The following AUTS2 variants were observed in gnomAD, a reference collection of about 807,000 sequenced individuals.
AUTS2 encodes autism susceptibility gene 2 protein.
Under a neutral mutation model 112.4 loss-of-function variants are expected in AUTS2, and 17 were observed. The observed-to-expected ratio is 0.15, with a 90% CI of 0.10 to 0.23. AUTS2 has a LOEUF of 0.23. Among genes scored for constraint, AUTS2 ranks in the 10% least tolerant of loss-of-function variants. The pLI is 1.00. For missense variants in AUTS2, 1,510 were observed against 1,701.6 expected (o/e 0.89, Z 1.98); for synonymous variants, 751 against 702.7 (o/e 1.07, Z -1.09).
intron 1 of AUTS2, among the ~76,000 whole-genome samples, chr7:69,773,886 G>A (rs1292547851): frequency 1.3e-5 from 2 of 152,170 alleles, no homozygotes; most frequent in African/African-American, 2.4e-5. Context: ...GGGGAATCCC[G>A]TCGAACACCC....
chr7:70,630,685 C>A (rs1389289269), intron 5 of AUTS2, among the ~76,000 whole-genome samples: 1 of 152,204 alleles, frequency 6.6e-6, no homozygotes, highest in African/African-American at 2.4e-5. Flanking sequence ...TCATTGTTCT[C>A]GGAACTAGCT....
chr7:69,805,859 A>G (rs1790278133), intron 1 of AUTS2, among the ~76,000 whole-genome samples: 1 of 152,118 alleles, frequency 6.6e-6, no homozygotes. Flanking sequence ...ACTGAATCTC[A>G]CACCAAGGTC....
At chr7:70,421,706 T>G (rs1237820315) in intron 4 of AUTS2, among the ~76,000 whole-genome samples, 1 of 152,246 alleles carries the variant, frequency 6.6e-6, no homozygotes, top group Non-Finnish European at 1.5e-5. Context: ...CCCTTGATTT[T>G]AATCAGAAAT....
chr7:69,945,619 T>C (rs972231059), intron 2 of AUTS2, among the ~76,000 whole-genome samples: 5 of 152,042 alleles, frequency 3.3e-5, no homozygotes, highest in African/African-American at 1.2e-4. Flanking sequence ...TTGTTGTTTG[T>C]TTTTTTGGGT....
chr7:69,794,480 C>T (rs1317977272), intron 1 of AUTS2, among the ~76,000 whole-genome samples: 1 of 152,130 alleles, frequency 6.6e-6, no homozygotes, highest in Non-Finnish European at 1.5e-5. Flanking sequence ...CAGCTGCATT[C>T]GTTTTGTGCC....
intron 1 of AUTS2, among the ~76,000 whole-genome samples, chr7:69,670,410 T>C (rs1796263364): frequency 6.6e-6 from 1 of 151,984 alleles, no homozygotes; most frequent in African/African-American, 2.4e-5. Context: ...CAGCTGAACT[T>C]TGCAGTATAA....
At chr7:70,755,682 C>G (rs1789153930) in intron 6 of AUTS2, among the ~76,000 whole-genome samples, 3 of 151,970 alleles carry the variant, frequency 2.0e-5, no homozygotes, top group Admixed American at 1.3e-4. Context: ...AAAAAAAATT[C>G]AGTAGGTAAG....
At chr7:69,698,961 A>AT (rs1169687195) in intron 1 of AUTS2, among the ~76,000 whole-genome samples, 1 of 151,888 alleles carries the variant, frequency 6.6e-6, no homozygotes, top group African/African-American at 2.4e-5. Context: ...TTGACTATAT[A>AT]TTTTTTCCTA....
intron 2 of AUTS2, among the ~76,000 whole-genome samples, chr7:70,011,647 G>A (rs957037842): frequency 2.0e-5 from 3 of 152,128 alleles, no homozygotes; most frequent in Non-Finnish European, 2.9e-5. Flanking sequence ...TGGAAGGTGG[G>A]CAGCATGAGT....
intron 5 of AUTS2, among the ~76,000 whole-genome samples, chr7:70,679,567 T>C (rs778995648): frequency 1.9e-4 from 29 of 151,164 alleles, no homozygotes; most frequent in Non-Finnish European, 8.8e-5. Flanking sequence ...CATGTGTCTA[T>C]GCAATAAGTT....
chr7:70,023,041 T>C (rs1038805590), intron 2 of AUTS2, among the ~76,000 whole-genome samples: 3 of 152,024 alleles, frequency 2.0e-5, no homozygotes, highest in South Asian at 2.1e-4. Flanking sequence ...GACGGGGTCT[T>C]GCTGTGTTGC....
chr7:69,687,314 AT>A (rs1797104750), intron 1 of AUTS2, among the ~76,000 whole-genome samples: 1 of 152,226 alleles, frequency 6.6e-6, no homozygotes, highest in Non-Finnish European at 1.5e-5. Context: ...TACAGTGATA[AT>A]AAATCATTCT....
chr7:69,878,108 C>T (rs551371926), intron 1 of AUTS2, among the ~76,000 whole-genome samples: 1 of 152,144 alleles, frequency 6.6e-6, no homozygotes, highest in East Asian at 1.9e-4. Flanking sequence ...TATCCTAATC[C>T]TAATCCCACA....
intron 5 of AUTS2, among the ~76,000 whole-genome samples, chr7:70,608,629 G>A (rs1803909896): frequency 6.6e-6 from 1 of 152,224 alleles, no homozygotes; most frequent in Admixed American, 6.5e-5. Context: ...CCTGATGAAA[G>A]GAAGAAGTGC....
chr7:69,938,810 G>A (rs184673694), intron 2 of AUTS2, among the ~76,000 whole-genome samples: 1 of 152,300 alleles, frequency 6.6e-6, no homozygotes, highest in East Asian at 1.9e-4. Context: ...AGGTGGTTGA[G>A]TAGGTGAGTA....
Position 69,670,555 on chromosome 7 carries a change from C to CAAAAAAA in AUTS2, c.309+70623_309+70629dup, listed in dbSNP as rs200373158. On this transcript the variant is annotated intron_variant, in intron 1 of 18. Coordinates refer to ENST00000342771, the MANE Select transcript of AUTS2 (RefSeq NM_015570.4). ...CATGGTTGTTTTTTACTTGATCCCT[C>CAAAAAAA]AAAAAAAAAAAAAAAAAAAAAAAAA... 2.4e-4 allele frequency among the ~76,000 whole-genome samples: 29 copies of CAAAAAAA among 119,054 alleles called. 6 individuals carry two copies. The highest frequency in any genetic ancestry group is 8.7e-4 in the African/African-American group (26 of 30,016). The allele number at this position is 119,054 out of a possible 152,430, so 78.1% of individuals were successfully genotyped here.
intron 2 of AUTS2, among the ~76,000 whole-genome samples, chr7:70,015,837 AGTTGTTGTT>A (rs376646110): frequency 2.7e-5 from 4 of 145,590 alleles, no homozygotes; most frequent in African/African-American, 1.0e-4. Flanking sequence ...GTGGCCACCT[AGTTGTTGTT>A]GTTGTTGTTG....
intron 2 of AUTS2, among the ~76,000 whole-genome samples, chr7:70,005,517 A>G (rs1038182102): frequency 2.0e-5 from 3 of 152,212 alleles, no homozygotes; most frequent in African/African-American, 7.2e-5. Context: ...CTATTGTGAT[A>G]GACCAACCTC....
At chr7:69,833,164 T>C (rs1791573829) in intron 1 of AUTS2, among the ~76,000 whole-genome samples, 1 of 152,158 alleles carries the variant, frequency 6.6e-6, no homozygotes, top group Non-Finnish European at 1.5e-5. Flanking sequence ...GAAAAGGGCC[T>C]GAGAATTAAA....
Sources: gnomAD v4.1 joint callset for allele counts (sites outside exome capture counted in the v4.1 genomes callset) on GRCh38, gnomAD v4.1.1 for gene constraint, MANE v1.5 for transcripts, NCBI Gene and HGNC (gene_info 2026-07-23, HGNC 2026-07-21) for gene names.